The following TIAM2 variants were observed in gnomAD, a reference collection of about 807,000 sequenced individuals.
The protein encoded by TIAM2 is TIAM Rac1 associated GEF 2, also known as rho guanine nucleotide exchange factor TIAM2.
A neutral mutation model predicts 152.9 loss-of-function variants in TIAM2; 80 were observed. That is an observed-to-expected ratio of 0.52 (90% CI 0.44 to 0.63). The LOEUF (loss-of-function observed/expected upper bound fraction) is 0.63. TIAM2 is among the 30% of genes least tolerant of loss of function. The pLI, the probability that TIAM2 is intolerant of heterozygous loss-of-function variation, is 0.00. For synonymous variants in TIAM2, 804 were observed against 838.0 expected, an observed-to-expected ratio of 0.96 and a Z score of 0.70; for missense variants, 1,965 against 2,120.1, an observed-to-expected ratio of 0.93 and a Z score of 1.44.
chr6:155,126,355 C>T (rs1044059504), intron 2 of TIAM2, among the ~76,000 whole-genome samples: 2 of 152,166 alleles, frequency 1.3e-5, no homozygotes, highest in African/African-American at 4.8e-5. Context: ...AGTTTCTGTT[C>T]TGCAAGATGG....
Position 155,251,967 on chromosome 6 carries a change from G to C in TIAM2, c.4083G>C (p.Leu1361=), listed in dbSNP as rs200239140. ...TAGTTTTTAAGAGAGCCGTCATACT[G>C]GTTTATAAAGAAAACTGCAAACTGA... ...TVFVFKRAVI[L]VYKENCKLKK... The change falls in exon 23 of 27, where the codon CTG becomes CTC. Residue 1361 remains leucine (L), a synonymous_variant. Transcript: ENST00000682666. 9.7e-5 allele frequency: 156 copies of C among 1,603,378 alleles called. 5 individuals carry two copies. In the Middle Eastern group the frequency reaches 0.015, roughly 155 times the overall value.
At chr6:155,089,673 T>C (rs966944455) in intron 1 of TIAM2, among the ~76,000 whole-genome samples, 1 of 152,236 alleles carries the variant, frequency 6.6e-6, no homozygotes, top group Admixed American at 6.5e-5. Context: ...AGGCTAGTTG[T>C]CATTTCAGAG....
At chr6:155,250,128 T>A (rs555281888) in intron 21 of TIAM2, among the ~76,000 whole-genome samples, 159 bp downstream of exon 21, 1 of 152,172 alleles carries the variant, frequency 6.6e-6, no homozygotes, top group Admixed American at 6.5e-5. Context: ...AATTTACATA[T>A]AGACATATCA....
At chr6:155,083,156 C>T (rs1200168130) in intron 1 of TIAM2, among the ~76,000 whole-genome samples, 1 of 151,704 alleles carries the variant, frequency 6.6e-6, no homozygotes, top group African/African-American at 2.4e-5. Context: ...AAGACCAGCT[C>T]GGTGAACATG....
Position 155,256,537 on chromosome 6 carries a change from G to T in TIAM2, c.4522G>T (p.Gly1508Cys), listed in dbSNP as rs114696942. 9.3e-6 allele frequency: 15 copies of T among 1,614,068 alleles called. No homozygotes were observed. Among genetic ancestry groups the T allele is most frequent in the Middle Eastern group, 1.6e-4 (1 of 6,084 alleles). ...GAATTCCTCCAGCAACGAGTGGACC[G>T]GTGAGACTGGCAAGGGAACCTTGCT... ...LKNSSSNEWT[G>C]ETGKGTLLDS... Residue 1508 changes from glycine to cysteine, a missense_variant, in exon 27 of 27, where the codon GGT (glycine) becomes TGT (cysteine). Around this residue, in one of 3 missense-constraint regions of TIAM2, gnomAD observed 935 missense variants for 980.0 expected, o/e 0.95. Coordinates refer to ENST00000682666, the MANE Select transcript of TIAM2 (RefSeq NM_012454.4).
chr6:155,050,272 T>A (rs1353230689), intron 1 of TIAM2, among the ~76,000 whole-genome samples: 1 of 152,156 alleles, frequency 6.6e-6, no homozygotes, highest in Non-Finnish European at 1.5e-5. Context: ...GTGATCCACC[T>A]GCCTCAGCCT....
intron 14 of TIAM2, among the ~76,000 whole-genome samples, chr6:155,207,013 A>G (rs149522273): frequency 0.021 from 3,168 of 152,328 alleles, 46 homozygotes; most frequent in Non-Finnish European, 0.034. Flanking sequence ...AAGAACCCCT[A>G]AAACATGTTG....
intron 1 of TIAM2, among the ~76,000 whole-genome samples, chr6:155,005,927 G>T (rs1043527130): frequency 2.6e-5 from 4 of 152,380 alleles, no homozygotes; most frequent in South Asian, 4.1e-4. Context: ...TGGCATCACA[G>T]GCGTGAGCCA....
intron 1 of TIAM2, among the ~76,000 whole-genome samples, chr6:155,072,934 G>A (rs1583177373): frequency 6.6e-6 from 1 of 152,276 alleles, no homozygotes. Flanking sequence ...TTTGGATTAT[G>A]TGATGAATGA....
At chr6:155,182,865 T>G (rs1780942356) in intron 13 of TIAM2, among the ~76,000 whole-genome samples, 1 of 152,220 alleles carries the variant, frequency 6.6e-6, no homozygotes, top group African/African-American at 2.4e-5. Context: ...AGCTGAGATC[T>G]TTCAAACTGT....
chr6:155,172,742 G>A (rs112399690), intron 9 of TIAM2, among the ~76,000 whole-genome samples: 16 of 133,704 alleles, frequency 1.2e-4, no homozygotes, highest in African/African-American at 4.1e-4. Flanking sequence ...AGTAGGAGGC[G>A]TGGTAGGTGC....
chr6:155,042,088 C>T (rs1187888759), intron 1 of TIAM2, among the ~76,000 whole-genome samples: 2 of 151,776 alleles, frequency 1.3e-5, no homozygotes, highest in Non-Finnish European at 2.9e-5. Context: ...TTCCTGTGGC[C>T]TCCTGGCTGG....
intron 1 of TIAM2, among the ~76,000 whole-genome samples, chr6:155,017,506 CTTTTT>C: frequency 1.6e-5 from 2 of 129,028 alleles, no homozygotes; most frequent in African/African-American, 5.9e-5. Flanking sequence ...TCCATTTTGT[CTTTTT>C]TTTTTTTTTT....
chr6:155,253,816 T>TCTTC, intron 24 of TIAM2, 157 bp from the exon 25 acceptor site: 1 of 573,984 alleles, frequency 1.7e-6, no homozygotes, highest in Non-Finnish European at 3.0e-6. Context: ...TTCTTGTAAC[T>TCTTC]GTGAAAATCA....
At chr6:155,216,885 G>T in intron 15 of TIAM2, 3 of 1,167,672 alleles carry the variant, frequency 2.6e-6, no homozygotes, top group Non-Finnish European at 3.2e-6. Flanking sequence ...CCAATCACCG[G>T]TGCTGCTGTG....
Position 155,254,399 on chromosome 6 carries a change from T to G in TIAM2, c.4314-20T>G. ...GAACACTGTGGACACTTCTGCTGTTTTCTCTCCCCCCCCACCCAGTGACAG... is the reference window on the plus strand; with the variant it reads ...GAACACTGTGGACACTTCTGCTGTTGTCTCTCCCCCCCCACCCAGTGACAG... On this transcript the variant is annotated intron_variant, in intron 25 of 26. Transcript: ENST00000682666. The G allele has an allele frequency of 6.2e-7, 1 of 1,607,872 alleles. No homozygotes were observed. Among genetic ancestry groups the G allele is most frequent in the South Asian group, 1.1e-5 (1 of 90,958 alleles).
chr6:155,190,980 A>G (rs2352421), intron 14 of TIAM2, among the ~76,000 whole-genome samples: 75,107 of 152,064 alleles, frequency 0.49, 19,419 homozygotes, highest in East Asian at 0.77. Context: ...ATTCCTGCCT[A>G]TGAAGGAAGT....
rs190696208 is a variant in TIAM2, at chr6:155,242,155, C to A, written c.3348+1446C>A. On this transcript the variant is annotated intron_variant, in intron 16 of 26. Coordinates refer to ENST00000682666, the MANE Select transcript of TIAM2 (RefSeq NM_012454.4). ...GCCCCCCTGGGTTGCAGCCCTTTGC[C>A]CCCCGCAGCTCTGCGCGGACCTGAT... 3.3e-5 allele frequency among the ~76,000 whole-genome samples: 5 copies of A among 152,302 alleles called. No homozygotes were observed. The East Asian group carries it at 9.7e-4, about 29-fold the overall frequency.
intron 14 of TIAM2, among the ~76,000 whole-genome samples, chr6:155,193,219 A>G (rs940536832): frequency 1.3e-5 from 2 of 152,020 alleles, no homozygotes; most frequent in Non-Finnish European, 2.9e-5. Context: ...AGCCTGGGCA[A>G]TGTAGTGAGA....
Sources: allele counts gnomAD v4.1 joint callset (sites outside exome capture counted in the v4.1 genomes callset), GRCh38; gene constraint gnomAD v4.1.1; regional missense constraint gnomAD v4.1.1; transcripts MANE v1.5; gene names NCBI Gene and HGNC (gene_info 2026-07-23, HGNC 2026-07-21).